Variants in STX8 observed in about 807,000 individuals in gnomAD.
STX8 encodes syntaxin-8.
STX8 carries 23 observed loss-of-function variants against 37.5 expected under a neutral mutation model. The observed-to-expected ratio is 0.61, with a 90% CI of 0.44 to 0.87. The LOEUF (loss-of-function observed/expected upper bound fraction) is 0.87. STX8 is among the 40% of genes least tolerant of loss of function. STX8 has a pLI of 0.00. For synonymous variants in STX8, 115 were observed against 99.1 expected (o/e 1.16, Z -0.95); for missense variants, 313 against 284.7 (o/e 1.10, Z -0.71).
chr17:9,254,791 C>T (rs1255412825), intron 7 of STX8, among the ~76,000 whole-genome samples: 1 of 152,236 alleles, frequency 6.6e-6, no homozygotes, highest in East Asian at 1.9e-4. Flanking sequence ...CCGCCATATC[C>T]CCCGTACCTA....
intron 6 of STX8, among the ~76,000 whole-genome samples, chr17:9,425,272 C>T (rs1268059460): frequency 6.6e-6 from 1 of 152,136 alleles, no homozygotes; most frequent in Non-Finnish European, 1.5e-5. Flanking sequence ...AACAAAATCT[C>T]AGTAACGTCA....
chr17:9,484,190 G>C (rs941739571), intron 6 of STX8, among the ~76,000 whole-genome samples: 2 of 152,048 alleles, frequency 1.3e-5, no homozygotes, highest in Non-Finnish European at 2.9e-5. Flanking sequence ...TTTGCCATGT[G>C]AGTTAGCACT....
At chr17:9,412,436 C>T (rs1913016105) in intron 6 of STX8, among the ~76,000 whole-genome samples, 1 of 152,054 alleles carries the variant, frequency 6.6e-6, no homozygotes, top group Non-Finnish European at 1.5e-5. Context: ...TGCACCACCA[C>T]ACCCAGCTAA....
chr17:9,353,023 C>A (rs1164201471), intron 7 of STX8, among the ~76,000 whole-genome samples: 1 of 152,046 alleles, frequency 6.6e-6, no homozygotes, highest in African/African-American at 2.4e-5. Context: ...TCCCTGGTAG[C>A]TGGGACTACT....
intron 7 of STX8, among the ~76,000 whole-genome samples, chr17:9,292,313 C>T (rs1467039851): frequency 6.6e-6 from 1 of 152,246 alleles, no homozygotes; most frequent in Non-Finnish European, 1.5e-5. Context: ...CGTGGGGCTT[C>T]AGCATTCACT....
chr17:9,337,133 C>T (rs1214862231), intron 7 of STX8, among the ~76,000 whole-genome samples: 1 of 152,122 alleles, frequency 6.6e-6, no homozygotes, highest in Non-Finnish European at 1.5e-5. Context: ...ACATGAAAAA[C>T]TATCTTGAGA....
At chr17:9,528,384 G>A (rs1484799144) in intron 4 of STX8, among the ~76,000 whole-genome samples, 10 of 152,178 alleles carry the variant, frequency 6.6e-5, no homozygotes, top group African/African-American at 1.9e-4. Context: ...AGCAACCTCC[G>A]CCTCCCGAGT....
chr17:9,365,541 G>A lies in STX8; in HGVS notation c.643+13011C>T, dbSNP rs547099138. On this transcript the variant is annotated intron_variant, in intron 7 of 7. Coordinates refer to ENST00000306357, the MANE Select transcript of STX8 (RefSeq NM_004853.3). ...TGGTAGCTAATGAAGACACAGACTT[G>A]GGATTCAAGTGAGGTTTGGGTCTGA... Among the ~76,000 whole-genome samples the A allele has an allele frequency of 1.3e-4, 20 of 152,358 alleles. No individual in the cohort carries two copies. In the East Asian group the frequency reaches 3.1e-3, roughly 23 times the overall value.
intron 7 of STX8, among the ~76,000 whole-genome samples, chr17:9,323,759 G>A (rs188254871): frequency 8.8e-4 from 134 of 152,334 alleles, no homozygotes; most frequent in Middle Eastern, 3.4e-3. Context: ...TGTCCTGAGC[G>A]TCTTGCTGAT....
intron 6 of STX8, among the ~76,000 whole-genome samples, chr17:9,389,102 A>C (rs1912116717): frequency 6.6e-6 from 1 of 152,218 alleles, no homozygotes; most frequent in African/African-American, 2.4e-5. Context: ...ACTGCCTCAT[A>C]AACTTTGAAA....
At position 9,505,157 on chromosome 17, in the gene STX8, C is replaced by G; in HGVS notation, c.329G>C (p.Ser110Thr). ...EGAEPDLIRS[S>T]LMSEEAKRGA... ...TCGCTTAGCCTCTTCACTCATCAGGCTGGACCTAAAGAACAATATTAAATG... is the reference window on the plus strand; with the variant it reads ...TCGCTTAGCCTCTTCACTCATCAGGGTGGACCTAAAGAACAATATTAAATG... Residue 110 changes from serine to threonine, a missense_variant, in exon 5 of 8, where the codon AGC becomes ACC. Ser to Thr is a moderately conservative substitution (Grantham distance 58, BLOSUM62 1). Transcript: ENST00000306357. 6.2e-7 allele frequency: 1 copy of G among 1,610,840 alleles called. No homozygotes were observed. The highest frequency in any genetic ancestry group is 2.2e-5 in the East Asian group (1 of 44,860).
At chr17:9,551,660 G>A (rs1419942454) in intron 3 of STX8, among the ~76,000 whole-genome samples, 1 of 152,064 alleles carries the variant, frequency 6.6e-6, no homozygotes, top group Non-Finnish European at 1.5e-5. Context: ...GTCCTGTGAA[G>A]AAAAAAGATT....
At chr17:9,307,216 A>G (rs1909028344) in intron 7 of STX8, among the ~76,000 whole-genome samples, 1 of 152,256 alleles carries the variant, frequency 6.6e-6, no homozygotes, top group Admixed American at 6.5e-5. Flanking sequence ...TGCATCATTT[A>G]TGTACTTACA....
chr17:9,444,878 C>A (rs925695991), intron 6 of STX8, among the ~76,000 whole-genome samples: 4 of 152,130 alleles, frequency 2.6e-5, no homozygotes, highest in African/African-American at 2.4e-5. Context: ...CAAAAGTTGG[C>A]AGAGATATGT....
chr17:9,455,544 T>C (rs368630594), intron 6 of STX8, among the ~76,000 whole-genome samples: 1 of 151,270 alleles, frequency 6.6e-6, no homozygotes, highest in Non-Finnish European at 1.5e-5. Context: ...AAAAGAAAAA[T>C]AGTGAAGGCT....
intron 5 of STX8, among the ~76,000 whole-genome samples, chr17:9,494,774 TACTC>T (rs1416029455): frequency 4.6e-5 from 7 of 152,308 alleles, no homozygotes; most frequent in South Asian, 4.1e-4. Flanking sequence ...AAACTCAAGT[TACTC>T]ACGATCCTTT....
intron 6 of STX8, among the ~76,000 whole-genome samples, chr17:9,425,319 A>G (rs1359856162): frequency 2.6e-5 from 4 of 152,200 alleles, no homozygotes; most frequent in Non-Finnish European, 5.9e-5. Flanking sequence ...AAAAATCTCA[A>G]TAACTTATCA....
intron 7 of STX8, among the ~76,000 whole-genome samples, chr17:9,264,793 C>T (rs1036649563): frequency 6.6e-6 from 1 of 152,024 alleles, no homozygotes; most frequent in Non-Finnish European, 1.5e-5. Flanking sequence ...ATGCATATAT[C>T]ATAGTAACTT....
intron 7 of STX8, among the ~76,000 whole-genome samples, chr17:9,335,005 T>C (rs1910089888): frequency 6.6e-6 from 1 of 152,222 alleles, no homozygotes; most frequent in African/African-American, 2.4e-5. Flanking sequence ...TTCACATCTA[T>C]TTCCTGGTCA....
Sources: allele counts gnomAD v4.1 joint callset (sites outside exome capture counted in the v4.1 genomes callset), GRCh38; gene constraint gnomAD v4.1.1; transcripts MANE v1.5; gene names NCBI Gene and HGNC (gene_info 2026-07-23, HGNC 2026-07-21).